The following SLC8A1 variants were observed in gnomAD, a reference collection of about 807,000 sequenced individuals.
The protein encoded by SLC8A1 is sodium/calcium exchanger 1.
SLC8A1 carries 18 observed loss-of-function variants against 68.3 expected under a neutral mutation model. That is an observed-to-expected ratio of 0.26 (90% confidence interval 0.18 to 0.39). The LOEUF (loss-of-function observed/expected upper bound fraction) is 0.39. SLC8A1 is among the 10% of genes least tolerant of loss of function. The probability of loss-of-function intolerance (pLI) is 1.00; values close to 1 mark genes in which losing one functional copy is unlikely to be tolerated. For missense variants in SLC8A1, 985 were observed against 1,156.7 expected, an observed-to-expected ratio of 0.85 and a Z score of 2.15; for synonymous variants, 475 against 415.5, an observed-to-expected ratio of 1.14 and a Z score of -1.74.
At chr2:40,498,014 G>C (rs1705820200) in intron 1 of SLC8A1, among the ~76,000 whole-genome samples, 1 of 151,994 alleles carries the variant, frequency 6.6e-6, no homozygotes, top group Non-Finnish European at 1.5e-5. Flanking sequence ...CAGGAGGTAT[G>C]AACTATTGGA....
At chr2:40,462,046 G>A (rs1334720714) in intron 1 of SLC8A1, among the ~76,000 whole-genome samples, 7 of 80,686 alleles carry the variant, frequency 8.7e-5, no homozygotes, top group South Asian at 3.0e-4. Flanking sequence ...TCACTCTGTC[G>A]CCCAGGCTGG....
At chr2:40,141,345 G>C (rs2041528818) in intron 6 of SLC8A1, among the ~76,000 whole-genome samples, 1 of 152,224 alleles carries the variant, frequency 6.6e-6, no homozygotes, top group Non-Finnish European at 1.5e-5. Flanking sequence ...GGAATGTCTG[G>C]ATTTGTCCTC....
chr2:40,178,051 T>G (rs1484611631), intron 2 of SLC8A1, among the ~76,000 whole-genome samples: 1 of 152,214 alleles, frequency 6.6e-6, no homozygotes, highest in Non-Finnish European at 1.5e-5. Context: ...ATTTATCACT[T>G]TCACGAATTA....
intron 2 of SLC8A1, among the ~76,000 whole-genome samples, chr2:40,307,927 C>A (rs370602194): frequency 6.6e-6 from 1 of 151,938 alleles, no homozygotes; most frequent in African/African-American, 2.4e-5. Context: ...AAATAATTGC[C>A]AGTTCTGCAT....
chr2:40,358,709 G>C (rs540894368), intron 2 of SLC8A1, among the ~76,000 whole-genome samples: 1 of 152,278 alleles, frequency 6.6e-6, no homozygotes, highest in South Asian at 2.1e-4. Flanking sequence ...TACAGTCCAA[G>C]GTGCTGCTAG....
intron 2 of SLC8A1, among the ~76,000 whole-genome samples, chr2:40,281,981 C>G (rs1320447889): frequency 1.3e-5 from 2 of 152,106 alleles, no homozygotes. Context: ...GTTTATTCTT[C>G]TAGAAAAGTA....
At chr2:40,419,222 G>T (rs889018693) in intron 2 of SLC8A1, among the ~76,000 whole-genome samples, 2 of 152,170 alleles carry the variant, frequency 1.3e-5, no homozygotes, top group Non-Finnish European at 2.9e-5. Context: ...AGCCCTTCTG[G>T]ATTCCACCGG....
At chr2:40,211,588 C>T (rs1331854351) in intron 2 of SLC8A1, among the ~76,000 whole-genome samples, 2 of 152,148 alleles carry the variant, frequency 1.3e-5, no homozygotes, top group East Asian at 1.9e-4. Context: ...AGAAAAGAAT[C>T]CCTCAGGGAC....
intron 2 of SLC8A1, among the ~76,000 whole-genome samples, chr2:40,202,605 C>T (rs1436487338): frequency 6.6e-6 from 1 of 151,870 alleles, no homozygotes; most frequent in Non-Finnish European, 1.5e-5. Context: ...AAGCTAATAG[C>T]ATTTCTCCCA....
intron 6 of SLC8A1, among the ~76,000 whole-genome samples, chr2:40,151,511 T>A (rs770262129): frequency 6.6e-6 from 1 of 152,164 alleles, no homozygotes; most frequent in Non-Finnish European, 1.5e-5. Context: ...TTTTTTTTTA[T>A]TTAGATTCTT....
At chr2:40,447,567 A>G (rs1701670865) in intron 1 of SLC8A1, among the ~76,000 whole-genome samples, 1 of 144,354 alleles carries the variant, frequency 6.9e-6, no homozygotes, top group Admixed American at 7.2e-5. Context: ...CTGCCAGTTG[A>G]CCTGATAAAC....
chr2:40,382,699 C>G (rs11691906), intron 2 of SLC8A1, among the ~76,000 whole-genome samples: 46,939 of 151,820 alleles, frequency 0.31, 10,221 homozygotes, highest in African/African-American at 0.63. Flanking sequence ...ATGGTTTGAG[C>G]AAATAAGAAA....
chr2:40,461,186 C>T (rs1405664974), intron 1 of SLC8A1, among the ~76,000 whole-genome samples: 1 of 152,088 alleles, frequency 6.6e-6, no homozygotes, highest in African/African-American at 2.4e-5. Flanking sequence ...AAAGTCGATA[C>T]TATTATAGGA....
At chr2:40,254,978 C>T (rs886130865) in intron 2 of SLC8A1, 2 of 152,006 alleles carry the variant, frequency 1.3e-5, no homozygotes, top group African/African-American at 2.4e-5. Flanking sequence ...CCTTCTATCT[C>T]GCCTGTTTCT....
At chr2:40,231,629 C>A (rs1465662625) in intron 2 of SLC8A1, among the ~76,000 whole-genome samples, 5 of 152,016 alleles carry the variant, frequency 3.3e-5, no homozygotes, top group Admixed American at 3.3e-4. Context: ...TCTGCAGATC[C>A]CCTCACACTG....
intron 2 of SLC8A1, among the ~76,000 whole-genome samples, chr2:40,307,564 A>C (rs2149291549): frequency 6.6e-6 from 1 of 152,360 alleles, no homozygotes; most frequent in African/African-American, 2.4e-5. Flanking sequence ...AAAAGATATA[A>C]ATAATTCAGC....
Position 40,445,681 on chromosome 2 carries a change from G to C in SLC8A1, c.-25+6223C>G, listed in dbSNP as rs115296811. 3.1e-3 allele frequency among the ~76,000 whole-genome samples: 471 copies of C among 152,298 alleles called. 1 individual carries two copies. The highest frequency in any genetic ancestry group is 0.011 in the African/African-American group (451 of 41,568). The stretch of plus-strand genomic sequence containing the variant: ...ACTGATAAAGAGAAGCTCTTAAAAA[G>C]AACTTCTGACAGCTAGCTGCATGTC... On this transcript the variant is annotated intron_variant, in intron 1 of 7. Transcript: ENST00000406785.
At chr2:40,415,625 G>A (rs199841679) in intron 2 of SLC8A1, among the ~76,000 whole-genome samples, 20 of 152,042 alleles carry the variant, frequency 1.3e-4, no homozygotes, top group African/African-American at 4.6e-4. Context: ...GCAAACAAAC[G>A]GCAACATCAA....
At chr2:40,195,903 G>A (rs1043908437) in intron 2 of SLC8A1, 1 of 152,002 alleles carries the variant, frequency 6.6e-6, no homozygotes, top group Non-Finnish European at 1.5e-5. Context: ...AAAGAAATGT[G>A]AAATCCAATA....
Sources: allele counts gnomAD v4.1 joint callset (sites outside exome capture counted in the v4.1 genomes callset), GRCh38; gene constraint gnomAD v4.1.1; transcripts MANE v1.5; gene names NCBI Gene and HGNC (gene_info 2026-07-23, HGNC 2026-07-21).